ADAM10: variants seen among roughly 807,000 people sequenced by gnomAD.
ADAM10 encodes the protein disintegrin and metalloproteinase domain-containing protein 10.
A neutral mutation model predicts 90.1 loss-of-function variants in ADAM10; 17 were observed. The observed-to-expected ratio is 0.19, with a 90% confidence interval of 0.13 to 0.28. ADAM10 has a LOEUF of 0.28. Ranked by LOEUF, ADAM10 falls within the 10% of genes least tolerant of loss-of-function variation. ADAM10 has a pLI of 1.00. For missense variants in ADAM10, 610 were observed against 914.3 expected (o/e 0.67, Z 4.29); for synonymous variants, 310 against 298.6 (o/e 1.04, Z -0.40).
chr15:58,676,662 G>A (rs1197710193), intron 4 of ADAM10, among the ~76,000 whole-genome samples: 1 of 152,032 alleles, frequency 6.6e-6, no homozygotes, highest in East Asian at 1.9e-4. Context: ...ATTAAAAACA[G>A]CCATGCTAGC....
At chr15:58,719,072 CGA>C (rs1213900154) in intron 1 of ADAM10, among the ~76,000 whole-genome samples, 7 of 152,176 alleles carry the variant, frequency 4.6e-5, no homozygotes, top group Non-Finnish European at 7.3e-5. Context: ...GCCTGTAATC[CGA>C]GCACTTTGGG....
intron 1 of ADAM10, among the ~76,000 whole-genome samples, chr15:58,722,726 C>CTTTTTTTTTTTTTTTTTTTTTTTTTTTT: frequency 9.6e-6 from 1 of 104,002 alleles, no homozygotes; most frequent in Non-Finnish European, 1.8e-5. Flanking sequence ...AATTTGAGAA[C>CTTTTTTTTTTTTTTTTTTTTTTTTTTTT]TTTTTTTTTT....
In ADAM10 at chr15:58,679,291, G is replaced by T. The variant is rs1897365799; in HGVS notation, c.326-9C>A. 6.2e-7 allele frequency: 1 copy of T among 1,613,224 alleles called. No individual in the cohort carries two copies. The highest frequency in any genetic ancestry group is 8.5e-7 in the Non-Finnish European group (1 of 1,179,694). On this transcript the variant is annotated splice_polypyrimidine_tract_variant and intron_variant, in intron 3 of 15. Coordinates refer to ENST00000260408, the MANE Select transcript of ADAM10 (RefSeq NM_001110.4). ...AAAACTTCCTTCTTCACCTATTAAT[G>T]AAAGCAACAAATTCTTGACAATTTA... is the stretch of plus-strand genomic sequence containing the variant.
At chr15:58,694,226 G>C (rs1377493663) in intron 2 of ADAM10, among the ~76,000 whole-genome samples, 1 of 152,198 alleles carries the variant, frequency 6.6e-6, no homozygotes, top group African/African-American at 2.4e-5. Flanking sequence ...GAGACAGGCA[G>C]ATCACTGAAG....
Position 58,597,133 on chromosome 15 carries a change from T to C in ADAM10, c.*414A>G. ...GTACATTGGCAAGTGATGTCTCCAA[T>C]GTTGAGGTGGTCGAGCCTCCTAGCC... On this transcript the variant is annotated 3_prime_UTR_variant, in exon 16 of 16. Transcript: ENST00000260408. The C allele has an allele frequency of 2.3e-6, 1 of 429,434 alleles. No homozygotes were observed. Among genetic ancestry groups the C allele is most frequent in the South Asian group, 2.4e-5 (1 of 42,490 alleles). 26.6% of individuals were successfully genotyped at this position (429,434 alleles called of 1,614,324 possible).
intron 8 of ADAM10, among the ~76,000 whole-genome samples, chr15:58,640,051 T>C (rs1309307793): frequency 6.6e-6 from 1 of 152,146 alleles, no homozygotes; most frequent in Admixed American, 6.5e-5. Context: ...AATTTGGATT[T>C]CTAAACTAGG....
At chr15:58,610,701 TAA>T (rs1895414954) in intron 13 of ADAM10, 184 bp from the exon 14 acceptor site, 2 of 691,050 alleles carry the variant, frequency 2.9e-6, no homozygotes, top group Non-Finnish European at 5.1e-6. Context: ...TGTTACAATG[TAA>T]ACAAGCAACC....
At chr15:58,746,202 C>T (rs1899786525) in intron 1 of ADAM10, among the ~76,000 whole-genome samples, 2 of 152,158 alleles carry the variant, frequency 1.3e-5, no homozygotes, top group Admixed American at 6.6e-5. Context: ...CTGCCTATCA[C>T]CCCTCTCTCA....
Position 58,593,906 on chromosome 15 carries a change from T to C in ADAM10, c.*3641A>G, listed in dbSNP as rs780122963. 2.6e-5 allele frequency: 4 copies of C among 152,170 alleles called. No individual in the cohort carries two copies. The highest frequency in any genetic ancestry group is 5.9e-5 in the Non-Finnish European group (4 of 68,024). 9.4% of individuals were successfully genotyped at this position (152,170 alleles called of 1,614,324 possible). A position where few individuals can be genotyped will look rare whatever the true frequency, so the allele number is the denominator to read the frequency against. Reference sequence around the variant, plus strand: ...GGGCTAAATTTCTATCCTAATCATATAAAGAGTTGAATACAGAAACAATAG... The same window carrying C: ...GGGCTAAATTTCTATCCTAATCATACAAAGAGTTGAATACAGAAACAATAG... On this transcript the variant is annotated 3_prime_UTR_variant, in exon 16 of 16. Coordinates refer to ENST00000260408, the MANE Select transcript of ADAM10 (RefSeq NM_001110.4).
chr15:58,702,342 G>C (rs544073716), intron 2 of ADAM10, among the ~76,000 whole-genome samples: 3 of 152,124 alleles, frequency 2.0e-5, no homozygotes, highest in East Asian at 3.9e-4. Context: ...GTTGTTAATG[G>C]GTACAAACAT....
intron 14 of ADAM10, among the ~76,000 whole-genome samples, chr15:58,603,697 A>G (rs1895178560): frequency 6.6e-6 from 1 of 152,146 alleles, no homozygotes; most frequent in South Asian, 2.1e-4. Flanking sequence ...AAGATTTCCA[A>G]GATAGACCAC....
intron 2 of ADAM10, among the ~76,000 whole-genome samples, chr15:58,701,835 G>C (rs1183717427): frequency 2.0e-5 from 3 of 152,188 alleles, no homozygotes; most frequent in African/African-American, 7.2e-5. Flanking sequence ...GCCCGGAGCA[G>C]TGACTCACGC....
At chr15:58,661,531 C>A (rs1201595110) in intron 5 of ADAM10, among the ~76,000 whole-genome samples, 1 of 147,474 alleles carries the variant, frequency 6.8e-6, no homozygotes, top group Non-Finnish European at 1.5e-5. Flanking sequence ...CTTTGTTCCC[C>A]TGTATGTAAA....
At chr15:58,695,069 G>A (rs1897939429) in intron 2 of ADAM10, among the ~76,000 whole-genome samples, 1 of 152,182 alleles carries the variant, frequency 6.6e-6, no homozygotes, top group Non-Finnish European at 1.5e-5. Context: ...TTACTAGCTT[G>A]AAAACTGTGT....
At chr15:58,686,259 A>G (rs1897599306) in intron 2 of ADAM10, among the ~76,000 whole-genome samples, 2 of 152,270 alleles carry the variant, frequency 1.3e-5, no homozygotes, top group Non-Finnish European at 2.9e-5. Context: ...GATCAAGCAC[A>G]GAAGACAGAC....
intron 1 of ADAM10, among the ~76,000 whole-genome samples, chr15:58,727,549 C>G (rs1405238448): frequency 1.3e-5 from 2 of 152,086 alleles, no homozygotes; most frequent in Non-Finnish European, 2.9e-5. Context: ...CTAGGCTGGT[C>G]TCAAACACCT....
intron 5 of ADAM10, among the ~76,000 whole-genome samples, chr15:58,662,998 T>C (rs1424412523): frequency 2.6e-5 from 4 of 152,244 alleles, no homozygotes; most frequent in Non-Finnish European, 5.9e-5. Flanking sequence ...GAGATATTTA[T>C]TTCCTCACTC....
intron 2 of ADAM10, among the ~76,000 whole-genome samples, chr15:58,710,635 C>A (rs373041397): frequency 6.6e-6 from 1 of 152,152 alleles, no homozygotes; most frequent in African/African-American, 2.4e-5. Flanking sequence ...ATACCTGACA[C>A]GAAGTAGGTA....
At chr15:58,715,184 G>A (rs1404234692) in intron 2 of ADAM10, among the ~76,000 whole-genome samples, 1 of 152,120 alleles carries the variant, frequency 6.6e-6, no homozygotes, top group East Asian at 1.9e-4. Flanking sequence ...CACTTTGGGA[G>A]ACCGAGGTGA....
Sources: allele counts gnomAD v4.1 joint callset (sites outside exome capture counted in the v4.1 genomes callset), GRCh38; gene constraint gnomAD v4.1.1; transcripts MANE v1.5; gene names NCBI Gene and HGNC (gene_info 2026-07-23, HGNC 2026-07-21).